MARCHF4: variants seen among roughly 807,000 people sequenced by gnomAD.
MARCHF4 encodes the protein E3 ubiquitin-protein ligase MARCHF4.
Under a neutral mutation model 43.9 loss-of-function variants are expected in MARCHF4, and 14 were observed. The observed-to-expected ratio is 0.32, with a 90% confidence interval of 0.21 to 0.50. The LOEUF is 0.50. Among genes scored for constraint, MARCHF4 ranks in the 20% least tolerant of loss-of-function variants. MARCHF4 has a pLI of 0.98. For missense variants in MARCHF4, 468 were observed against 536.7 expected, an observed-to-expected ratio of 0.87 and a Z score of 1.27; for synonymous variants, 226 against 213.3, an observed-to-expected ratio of 1.06 and a Z score of -0.52.
intron 1 of MARCHF4, among the ~76,000 whole-genome samples, chr2:216,337,523 T>C (rs759164411): frequency 7.9e-5 from 12 of 152,238 alleles, no homozygotes; most frequent in Non-Finnish European, 1.2e-4. Flanking sequence ...CTTCTTTTTG[T>C]TTACCTGAAT....
At chr2:216,343,942 A>C (rs1692272559) in intron 1 of MARCHF4, among the ~76,000 whole-genome samples, 1 of 152,204 alleles carries the variant, frequency 6.6e-6, no homozygotes, top group Non-Finnish European at 1.5e-5. Flanking sequence ...TGAATGCTGG[A>C]GATCTCAGAG....
At chr2:216,324,324 T>C (rs1379722136) in intron 1 of MARCHF4, among the ~76,000 whole-genome samples, 1 of 145,894 alleles carries the variant, frequency 6.9e-6, no homozygotes, top group Non-Finnish European at 1.5e-5. Flanking sequence ...CAATAATCAA[T>C]AGCTTACCAA....
intron 1 of MARCHF4, among the ~76,000 whole-genome samples, chr2:216,305,643 C>A (rs1691575041): frequency 6.6e-6 from 1 of 152,182 alleles, no homozygotes; most frequent in Non-Finnish European, 1.5e-5. Context: ...CTGAGCCAAG[C>A]CAGCACCTGT....
At chr2:216,347,508 C>A (rs1335978147) in intron 1 of MARCHF4, among the ~76,000 whole-genome samples, 1 of 152,070 alleles carries the variant, frequency 6.6e-6, no homozygotes, top group Non-Finnish European at 1.5e-5. Flanking sequence ...CATAGAAGAA[C>A]ACGGTGTTTG....
intron 3 of MARCHF4, among the ~76,000 whole-genome samples, chr2:216,260,802 AC>A (rs575816231): frequency 5.7e-4 from 86 of 152,204 alleles, no homozygotes; most frequent in Non-Finnish European, 7.9e-4. Flanking sequence ...CACCTGTGGC[AC>A]CTGTGAAGAG....
At chr2:216,346,472 C>T (rs574017138) in intron 1 of MARCHF4, among the ~76,000 whole-genome samples, 1 of 152,280 alleles carries the variant, frequency 6.6e-6, no homozygotes, top group African/African-American at 2.4e-5. Context: ...AACACCTGCC[C>T]TTATGGGGAT....
intron 1 of MARCHF4, among the ~76,000 whole-genome samples, chr2:216,310,084 C>T (rs1200047983): frequency 1.0e-5 from 1 of 96,974 alleles, no homozygotes; most frequent in Non-Finnish European, 2.0e-5. Flanking sequence ...AGTATAGAAC[C>T]ACTGGGCCTA....
chr2:216,283,845 C>A, intron 1 of MARCHF4, 116 bp from the exon 2 acceptor site: 1 of 1,150,160 alleles, frequency 8.7e-7, no homozygotes, highest in Non-Finnish European at 1.2e-6. Context: ...AGGCCACAGG[C>A]TTTGTTTGGG....
At chr2:216,301,525 G>A (rs1357194003) in intron 1 of MARCHF4, among the ~76,000 whole-genome samples, 1 of 152,214 alleles carries the variant, frequency 6.6e-6, no homozygotes, top group African/African-American at 2.4e-5. Flanking sequence ...ATGGTTTGAA[G>A]CAATGGCACA....
At chr2:216,337,978 C>T (rs1232038501) in intron 1 of MARCHF4, among the ~76,000 whole-genome samples, 1 of 152,180 alleles carries the variant, frequency 6.6e-6, no homozygotes, top group Non-Finnish European at 1.5e-5. Flanking sequence ...TGTGGAAAAA[C>T]ACACTCATAA....
At chr2:216,338,282 T>C (rs960411191) in intron 1 of MARCHF4, among the ~76,000 whole-genome samples, 1 of 152,196 alleles carries the variant, frequency 6.6e-6, no homozygotes, top group African/African-American at 2.4e-5. Context: ...CCTCTTCTGC[T>C]GTCTCTCCCA....
At chr2:216,296,152 T>C (rs919579772) in intron 1 of MARCHF4, among the ~76,000 whole-genome samples, 3 of 147,298 alleles carry the variant, frequency 2.0e-5, no homozygotes, top group African/African-American at 5.1e-5. Context: ...TCTCAATAAA[T>C]AAACAAACAA....
intron 1 of MARCHF4, among the ~76,000 whole-genome samples, chr2:216,338,795 A>G (rs1292476830): frequency 6.6e-6 from 1 of 152,194 alleles, no homozygotes; most frequent in East Asian, 1.9e-4. Flanking sequence ...CAAAGTCTTC[A>G]AAGATGGTAG....
chr2:216,322,534 G>T (rs1159130898), intron 1 of MARCHF4, among the ~76,000 whole-genome samples: 2 of 152,174 alleles, frequency 1.3e-5, no homozygotes, highest in Non-Finnish European at 2.9e-5. Flanking sequence ...ATTAAGAACT[G>T]GTCTCGGCCA....
intron 2 of MARCHF4, among the ~76,000 whole-genome samples, chr2:216,281,097 G>A (rs1691120439): frequency 7.5e-6 from 1 of 134,100 alleles, no homozygotes; most frequent in Admixed American, 8.6e-5. Flanking sequence ...ACAGGATCTC[G>A]CTCTGCCACC....
chr2:216,328,231 G>A (rs1255855283), intron 1 of MARCHF4, among the ~76,000 whole-genome samples: 15 of 152,108 alleles, frequency 9.9e-5, no homozygotes, highest in African/African-American at 2.9e-4. Flanking sequence ...GTGCAATGGC[G>A]CGATCTTGGC....
intron 3 of MARCHF4, chr2:216,265,407 CG>C (rs1690829253): frequency 6.6e-6 from 1 of 152,294 alleles, no homozygotes; most frequent in African/African-American, 2.4e-5. Flanking sequence ...GCAAGCTCCA[CG>C]GGTCATCAGA....
intron 1 of MARCHF4, among the ~76,000 whole-genome samples, chr2:216,302,766 T>G (rs1247107681): frequency 1.3e-5 from 2 of 151,346 alleles, no homozygotes; most frequent in African/African-American, 2.4e-5. Flanking sequence ...GGTGTGGTGG[T>G]GGGTGCCTGT....
intron 3 of MARCHF4, among the ~76,000 whole-genome samples, chr2:216,268,051 G>A (rs1410986814): frequency 6.6e-6 from 1 of 152,182 alleles, no homozygotes; most frequent in Non-Finnish European, 1.5e-5. Flanking sequence ...GAACGTGGAT[G>A]GGCATCATCT....
Sources: gnomAD v4.1 joint callset for allele counts (sites outside exome capture counted in the v4.1 genomes callset) on GRCh38, gnomAD v4.1.1 for gene constraint, MANE v1.5 for transcripts, NCBI Gene and HGNC (gene_info 2026-07-23, HGNC 2026-07-21) for gene names.